The following AUTS2 variants were observed in gnomAD, a reference collection of about 807,000 sequenced individuals.
The protein encoded by AUTS2 is autism susceptibility gene 2 protein.
AUTS2 carries 17 observed loss-of-function variants against 112.4 expected under a neutral mutation model. The ratio of observed to expected loss-of-function variants is 0.15; its 90% CI spans 0.10 to 0.23. The LOEUF (loss-of-function observed/expected upper bound fraction) is 0.23, where lower values mean the gene tolerates loss of function less well. Among genes scored for constraint, AUTS2 ranks in the 10% least tolerant of loss-of-function variants. The probability of loss-of-function intolerance (pLI) is 1.00; values close to 1 mark genes in which losing one functional copy is unlikely to be tolerated. For synonymous variants in AUTS2, 751 were observed against 702.7 expected (o/e 1.07, Z -1.09); for missense variants, 1,510 against 1,701.6 (o/e 0.89, Z 1.98).
intron 5 of AUTS2, among the ~76,000 whole-genome samples, chr7:70,491,638 A>G (rs895956950): frequency 1.4e-5 from 2 of 146,400 alleles, no homozygotes. Context: ...TTTTTGAGAC[A>G]GAGTCTCACT....
chr7:70,544,660 CAAGATAATAA>C (rs991827997), intron 5 of AUTS2, among the ~76,000 whole-genome samples: 2 of 152,118 alleles, frequency 1.3e-5, no homozygotes, highest in African/African-American at 4.8e-5. Flanking sequence ...TTTTTATTTT[CAAGATAATAA>C]AAGGTTTCCA....
intron 1 of AUTS2, among the ~76,000 whole-genome samples, chr7:69,718,808 AATGAAATTGT>A (rs1375958987): frequency 6.6e-6 from 1 of 152,164 alleles, no homozygotes; most frequent in Admixed American, 6.5e-5. Context: ...TCCCCACTCA[AATGAAATTGT>A]ATAGTGCCCT....
intron 1 of AUTS2, among the ~76,000 whole-genome samples, chr7:69,657,954 T>C (rs1584021487): frequency 6.6e-6 from 1 of 152,240 alleles, no homozygotes; most frequent in Non-Finnish European, 1.5e-5. Flanking sequence ...CAAAGTTTGG[T>C]CCACAGGCCA....
intron 10 of AUTS2, among the ~76,000 whole-genome samples, chr7:70,770,593 A>AT (rs955475490): frequency 1.3e-5 from 2 of 152,154 alleles, no homozygotes; most frequent in African/African-American, 4.8e-5. Flanking sequence ...GATTCTCTGT[A>AT]TTTTTTTCCT....
rs371338081 is a variant in AUTS2 at position 69,787,100 on chromosome 7, A to T, written c.310-112186A>T. 2.6e-5 allele frequency among the ~76,000 whole-genome samples: 4 copies of T among 152,216 alleles called. No individual in the cohort carries two copies. The South Asian group carries it at 6.2e-4, about 24-fold the overall frequency. On this transcript the variant is annotated intron_variant, in intron 1 of 18. Transcript: ENST00000342771. ...CTGGCTTTCAGCATTTGATCCAATT[A>T]TGTTTCTCACAGAGCTTTCCCTCTC...
Position 69,649,402 on chromosome 7 carries a change from G to C in AUTS2, c.309+49440G>C, listed in dbSNP as rs1217945759. On this transcript the variant is annotated intron_variant, in intron 1 of 18. Transcript: ENST00000342771. Reference sequence around the variant, plus strand: ...GTTACATACAGCTTTGTGTTCCAGTGGATGATACTGTTCCTTAACTCTTAA... The same window carrying C: ...GTTACATACAGCTTTGTGTTCCAGTCGATGATACTGTTCCTTAACTCTTAA... Among the ~76,000 whole-genome samples the C allele has an allele frequency of 3.3e-5, 5 of 152,266 alleles. No individual in the cohort carries two copies. In the East Asian group the frequency reaches 9.7e-4, roughly 29 times the overall value.
chr7:69,915,930 G>A (rs1236842143), intron 2 of AUTS2, among the ~76,000 whole-genome samples: 1 of 152,142 alleles, frequency 6.6e-6, no homozygotes, highest in Non-Finnish European at 1.5e-5. Flanking sequence ...TGGTGCCCAG[G>A]CTGGTCTCGA....
chr7:69,704,929 C>T (rs1797995982), intron 1 of AUTS2, among the ~76,000 whole-genome samples: 1 of 152,130 alleles, frequency 6.6e-6, no homozygotes, highest in African/African-American at 2.4e-5. Context: ...TGCAGTGGCA[C>T]AATCACAACT....
At chr7:70,434,754 C>T (rs1270893782) in intron 4 of AUTS2, among the ~76,000 whole-genome samples, 1 of 152,192 alleles carries the variant, frequency 6.6e-6, no homozygotes, top group Non-Finnish European at 1.5e-5. Context: ...TGTCTTACTG[C>T]TAAACGGAAG....
intron 6 of AUTS2, among the ~76,000 whole-genome samples, chr7:70,762,098 G>A (rs776104982): frequency 3.3e-5 from 5 of 152,110 alleles, no homozygotes; most frequent in Non-Finnish European, 7.3e-5. Context: ...GGGGAGGAAG[G>A]GAAGGCCAAG....
intron 5 of AUTS2, among the ~76,000 whole-genome samples, chr7:70,557,827 G>A (rs1040034880): frequency 9.2e-5 from 14 of 152,290 alleles, no homozygotes; most frequent in South Asian, 2.1e-4. Flanking sequence ...GAGAGGCAAC[G>A]ATAGGATGAC....
At chr7:70,511,314 A>G (rs1485224758) in intron 5 of AUTS2, among the ~76,000 whole-genome samples, 3 of 152,172 alleles carry the variant, frequency 2.0e-5, no homozygotes, top group Non-Finnish European at 2.9e-5. Context: ...ACCATGCCAC[A>G]CCGGCAATTT....
chr7:70,415,836 G>T (rs574669858), intron 4 of AUTS2, among the ~76,000 whole-genome samples: 8 of 152,314 alleles, frequency 5.3e-5, no homozygotes, highest in Middle Eastern at 3.4e-3. Context: ...GCATTTGTGT[G>T]CACGCACACA....
intron 5 of AUTS2, among the ~76,000 whole-genome samples, chr7:70,601,910 A>C (rs1332754265): frequency 6.6e-6 from 1 of 152,260 alleles, no homozygotes; most frequent in African/African-American, 2.4e-5. Flanking sequence ...TACTCTAAAC[A>C]AGTGCTTGAA....
At chr7:70,253,410 C>T (rs1177751607) in intron 4 of AUTS2, among the ~76,000 whole-genome samples, 1 of 152,136 alleles carries the variant, frequency 6.6e-6, no homozygotes, top group African/African-American at 2.4e-5. Flanking sequence ...ATGTCTGAAG[C>T]ATTTCCAATG....
intron 4 of AUTS2, among the ~76,000 whole-genome samples, chr7:70,212,760 G>A (rs143710753): frequency 2.5e-3 from 380 of 152,176 alleles, no homozygotes; most frequent in African/African-American, 8.5e-3. Context: ...TAGGCACACT[G>A]AATAGAAAGT....
chr7:69,952,958 G>C (rs945242275), intron 2 of AUTS2, among the ~76,000 whole-genome samples: 2 of 152,146 alleles, frequency 1.3e-5, no homozygotes, highest in Non-Finnish European at 2.9e-5. Context: ...GAGGATCACT[G>C]CATTAGATGA....
chr7:70,287,607 G>A (rs1488709190), intron 4 of AUTS2, among the ~76,000 whole-genome samples: 2 of 152,076 alleles, frequency 1.3e-5, no homozygotes, highest in East Asian at 1.9e-4. Context: ...AAATGTCAAA[G>A]TAAAATTAAA....
At chr7:70,409,041 G>A (rs1794664837) in intron 4 of AUTS2, among the ~76,000 whole-genome samples, 3 of 152,220 alleles carry the variant, frequency 2.0e-5, no homozygotes, top group Admixed American at 2.0e-4. Context: ...CACGTCACAT[G>A]AAGGAACAGA....
Sources: gnomAD v4.1 joint callset for allele counts (sites outside exome capture counted in the v4.1 genomes callset) on GRCh38, gnomAD v4.1.1 for gene constraint, MANE v1.5 for transcripts, NCBI Gene and HGNC (gene_info 2026-07-23, HGNC 2026-07-21) for gene names.